Variants in SLC24A3 observed in about 807,000 individuals in gnomAD.
SLC24A3 encodes solute carrier family 24 member 3.
A neutral mutation model predicts 75.8 loss-of-function variants in SLC24A3; 28 were observed. The observed-to-expected ratio is 0.37, with a 90% CI of 0.27 to 0.51. The LOEUF (loss-of-function observed/expected upper bound fraction) is 0.51. Among genes scored for constraint, SLC24A3 ranks in the 20% least tolerant of loss-of-function variants. The pLI, the probability that SLC24A3 is intolerant of heterozygous loss-of-function variation, is 0.94. For missense variants in SLC24A3, 663 were observed against 847.8 expected (o/e 0.78, Z 2.71); for synonymous variants, 372 against 334.1 (o/e 1.11, Z -1.24).
Position 19,590,916 on chromosome 20 carries a change from T to C in SLC24A3, c.612+5372T>C, listed in dbSNP as rs1200885261. On this transcript the variant is annotated intron_variant, in intron 6 of 16. Coordinates refer to ENST00000328041, the MANE Select transcript of SLC24A3 (RefSeq NM_020689.4). Reference sequence around the variant, plus strand: ...GCGTGGCCCTGGATGAGAGGCAGCCTCCAGCAGTTGGTCCAGGAAAGGTAG... The same window carrying C: ...GCGTGGCCCTGGATGAGAGGCAGCCCCCAGCAGTTGGTCCAGGAAAGGTAG... Among the ~76,000 whole-genome samples, 5 of 152,170 alleles carry C rather than the reference T, an allele frequency of 3.3e-5. No individual in the cohort carries two copies. In the East Asian group the frequency reaches 9.6e-4, roughly 29 times the overall value.
At chr20:19,525,560 G>A (rs376726725) in intron 3 of SLC24A3, among the ~76,000 whole-genome samples, 56 of 152,218 alleles carry the variant, frequency 3.7e-4, no homozygotes, top group Admixed American at 7.2e-4. Context: ...AGGGGAGGAG[G>A]GGCATCTATC....
intron 1 of SLC24A3, among the ~76,000 whole-genome samples, chr20:19,279,025 C>T (rs931097571): frequency 1.3e-5 from 2 of 152,234 alleles, no homozygotes; most frequent in African/African-American, 4.8e-5. Flanking sequence ...TACTGAGTAC[C>T]TACCCTGAGC....
chr20:19,678,635 C>CGG, intron 9 of SLC24A3, among the ~76,000 whole-genome samples: 1 of 100,846 alleles, frequency 9.9e-6, no homozygotes, highest in Admixed American at 8.9e-5. Flanking sequence ...TGGCCCCGGG[C>CGG]GGGGGGCTGA....
intron 2 of SLC24A3, among the ~76,000 whole-genome samples, chr20:19,295,478 T>C (rs1984036634): frequency 6.6e-6 from 1 of 152,218 alleles, no homozygotes; most frequent in Non-Finnish European, 1.5e-5. Context: ...CAGTATGATA[T>C]TGGCTGTGGG....
chr20:19,584,694 G>A (rs1179902649), intron 4 of SLC24A3, among the ~76,000 whole-genome samples: 1 of 152,168 alleles, frequency 6.6e-6, no homozygotes. Context: ...AGAGCCTTTA[G>A]CTCATAAGGA....
chr20:19,532,144 T>C (rs1398745207), intron 3 of SLC24A3, among the ~76,000 whole-genome samples: 1 of 152,208 alleles, frequency 6.6e-6, no homozygotes, highest in Non-Finnish European at 1.5e-5. Context: ...ATCAGTTTTC[T>C]CAGCTTTTGA....
chr20:19,357,781 G>C (rs1985716105), intron 2 of SLC24A3, among the ~76,000 whole-genome samples: 2 of 152,250 alleles, frequency 1.3e-5, no homozygotes, highest in Admixed American at 1.3e-4. Context: ...GACCCCAGCT[G>C]GGAAGGGGCT....
chr20:19,222,039 A>G (rs991517860), intron 1 of SLC24A3, among the ~76,000 whole-genome samples: 2 of 151,344 alleles, frequency 1.3e-5, no homozygotes, highest in Non-Finnish European at 2.9e-5. Context: ...AATTTCTCTC[A>G]TCCTTTTGCT....
intron 3 of SLC24A3, among the ~76,000 whole-genome samples, chr20:19,521,616 G>A (rs1197190753): frequency 3.3e-5 from 5 of 152,204 alleles, no homozygotes; most frequent in African/African-American, 7.2e-5. Flanking sequence ...GGGAGGAGAG[G>A]AGGAGGAAGC....
chr20:19,672,528 G>A (rs2032480543), intron 8 of SLC24A3, among the ~76,000 whole-genome samples: 1 of 152,000 alleles, frequency 6.6e-6, no homozygotes, highest in South Asian at 2.1e-4. Context: ...CTGGAGACGG[G>A]GTCCTGTTAT....
At chr20:19,335,203 C>T (rs769876925) in intron 2 of SLC24A3, among the ~76,000 whole-genome samples, 2 of 152,098 alleles carry the variant, frequency 1.3e-5, no homozygotes, top group South Asian at 4.2e-4. Context: ...AAATGAATCC[C>T]TCAAAGTCTC....
At chr20:19,281,682 C>T (rs1370228738) in intron 2 of SLC24A3, among the ~76,000 whole-genome samples, 36 of 152,110 alleles carry the variant, frequency 2.4e-4, no homozygotes. Flanking sequence ...GGACCCAGCC[C>T]ACCAAGCCTC....
chr20:19,510,406 A>G (rs1305207326), intron 2 of SLC24A3, among the ~76,000 whole-genome samples: 2 of 152,168 alleles, frequency 1.3e-5, no homozygotes, highest in African/African-American at 2.4e-5. Flanking sequence ...GCTGAAGCTA[A>G]TTATGTGTGT....
intron 8 of SLC24A3, among the ~76,000 whole-genome samples, chr20:19,667,662 G>T (rs1405119566): frequency 6.6e-6 from 1 of 152,180 alleles, no homozygotes; most frequent in Non-Finnish European, 1.5e-5. Flanking sequence ...CTTAGAGGGA[G>T]CCGTCTTTTC....
At chr20:19,485,466 A>G (rs1018536010) in intron 2 of SLC24A3, among the ~76,000 whole-genome samples, 2 of 152,202 alleles carry the variant, frequency 1.3e-5, no homozygotes, top group African/African-American at 4.8e-5. Flanking sequence ...CACCATTCTC[A>G]TAGGAAAACA....
intron 6 of SLC24A3, among the ~76,000 whole-genome samples, chr20:19,632,762 G>A (rs2122687908): frequency 6.6e-6 from 1 of 152,246 alleles, no homozygotes; most frequent in Admixed American, 6.5e-5. Flanking sequence ...CAGAATAGGT[G>A]TCCCTGACAA....
rs78786330 is a variant in SLC24A3 at position 19,677,393 on chromosome 20, G to A, written c.767+3739G>A. ...CAGAAACACTGCCTCTTTCCCTGTC[G>A]CTCTACAGGGCAAGGCATCCTTGTC... On this transcript the variant is annotated intron_variant, in intron 9 of 16. Transcript: ENST00000328041. Among the ~76,000 whole-genome samples, 819 of 151,866 alleles carry A rather than the reference G, an allele frequency of 5.4e-3. 8 individuals carry two copies. Among genetic ancestry groups the A allele is most frequent in the African/African-American group, 0.019 (781 of 41,392 alleles).
At chr20:19,473,018 G>A (rs987489351) in intron 2 of SLC24A3, among the ~76,000 whole-genome samples, 4 of 152,152 alleles carry the variant, frequency 2.6e-5, no homozygotes, top group African/African-American at 9.7e-5. Context: ...TGGGGTTCGG[G>A]GGCCACTGAT....
At chr20:19,695,243 T>G (rs1181707092) in intron 13 of SLC24A3, among the ~76,000 whole-genome samples, 1 of 152,136 alleles carries the variant, frequency 6.6e-6, no homozygotes, top group Non-Finnish European at 1.5e-5. Flanking sequence ...GGTGTAGGTG[T>G]CTCTCAAGGG....
Sources: allele counts gnomAD v4.1 joint callset (sites outside exome capture counted in the v4.1 genomes callset), GRCh38; gene constraint gnomAD v4.1.1; transcripts MANE v1.5; gene names NCBI Gene and HGNC (gene_info 2026-07-23, HGNC 2026-07-21).